PDE6A: variants seen among roughly 807,000 people sequenced by gnomAD.
PDE6A encodes the protein phosphodiesterase 6A.
A neutral mutation model predicts 106.3 loss-of-function variants in PDE6A; 84 were observed. The observed-to-expected ratio is 0.79, with a 90% confidence interval of 0.66 to 0.95. The LOEUF is 0.95. Ranked by LOEUF, PDE6A falls within the 40% of genes least tolerant of loss-of-function variation. The pLI is 0.00. For synonymous variants in PDE6A, 394 were observed against 386.6 expected (o/e 1.02, Z -0.23); for missense variants, 1,052 against 1,084.9 (o/e 0.97, Z 0.43).
intron 5 of PDE6A, among the ~76,000 whole-genome samples, chr5:149,918,537 T>C (rs1475392565): frequency 6.6e-6 from 1 of 152,212 alleles, no homozygotes; most frequent in Non-Finnish European, 1.5e-5. Context: ...AGTGAACTTT[T>C]CACTGTGCTC....
chr5:149,862,252 T>C (rs1581143270), intron 21 of PDE6A, among the ~76,000 whole-genome samples: 1 of 151,972 alleles, frequency 6.6e-6, no homozygotes, highest in East Asian at 1.9e-4. Flanking sequence ...AACAAACAAA[T>C]CCCATTTGAT....
chr5:149,937,948 A>G (rs1290395504), intron 1 of PDE6A, among the ~76,000 whole-genome samples: 1 of 152,180 alleles, frequency 6.6e-6, no homozygotes, highest in Non-Finnish European at 1.5e-5. Context: ...TTATTCATTC[A>G]TTGACTTATT....
chr5:149,894,431 C>A (rs17797919), intron 13 of PDE6A, among the ~76,000 whole-genome samples: 3,814 of 152,134 alleles, frequency 0.025, 87 homozygotes, highest in East Asian at 0.071. Context: ...TGGTGAATGG[C>A]AAACTTTTCT....
intron 1 of PDE6A, among the ~76,000 whole-genome samples, chr5:149,943,321 C>G (rs1381911472): frequency 1.3e-5 from 2 of 152,218 alleles, no homozygotes; most frequent in Non-Finnish European, 2.9e-5. Flanking sequence ...TTTCTGCAAG[C>G]ACAGGGTTGG....
chr5:149,927,198 AT>A (rs1290557480), intron 4 of PDE6A, among the ~76,000 whole-genome samples: 1 of 152,128 alleles, frequency 6.6e-6, no homozygotes, highest in Non-Finnish European at 1.5e-5. Context: ...CACAGTAAAA[AT>A]AAGGTATAAA....
intron 13 of PDE6A, among the ~76,000 whole-genome samples, chr5:149,889,222 T>G (rs943412531): frequency 2.6e-5 from 4 of 151,938 alleles, no homozygotes; most frequent in Non-Finnish European, 4.4e-5. Flanking sequence ...ACAACAAATT[T>G]TCTTTGAGTA....
At position 149,884,334 on chromosome 5, in the gene PDE6A, GTATA is replaced by G. The variant is rs111522679; in HGVS notation, c.2027+141_2027+144del. 5.0e-5 allele frequency: 31 copies of G among 622,338 alleles called. No homozygotes were observed. In the East Asian group the frequency reaches 6.5e-4, roughly 13 times the overall value. 38.6% of individuals were successfully genotyped at this position (622,338 alleles called of 1,614,324 possible). A position where few individuals can be genotyped will look rare whatever the true frequency, so the allele number is the denominator to read the frequency against. On this transcript the variant is annotated intron_variant, in intron 16 of 21. Transcript: ENST00000255266. ...TATATATGTATATATGTGTATATAT[GTATA>G]TATATGTGTGTATATATGTGTATAT...
intron 5 of PDE6A, 90 bp downstream of exon 5, chr5:149,921,545 T>C (rs1753721338): frequency 1.0e-6 from 1 of 966,792 alleles, no homozygotes; most frequent in African/African-American, 1.6e-5. Context: ...GACAAATACC[T>C]ATATGCTAAT....
chr5:149,902,065 T>C (rs1254430747), intron 8 of PDE6A, among the ~76,000 whole-genome samples: 2 of 152,148 alleles, frequency 1.3e-5, no homozygotes, highest in African/African-American at 2.4e-5. Context: ...ACAAGGATAA[T>C]AAAAGATGAC....
intron 5 of PDE6A, among the ~76,000 whole-genome samples, chr5:149,919,932 C>T (rs1463799456): frequency 6.7e-6 from 1 of 148,252 alleles, no homozygotes; most frequent in Non-Finnish European, 1.5e-5. Context: ...ACCTAAGATT[C>T]GGGAACATTA....
At chr5:149,914,607 G>C (rs1368011379) in intron 6 of PDE6A, among the ~76,000 whole-genome samples, 1 of 146,398 alleles carries the variant, frequency 6.8e-6, no homozygotes, top group Non-Finnish European at 1.5e-5. Context: ...TCCTGTTCCA[G>C]TCTTTAATAG....
chr5:149,913,381 T>TA (rs11343433), intron 6 of PDE6A, among the ~76,000 whole-genome samples: 1,489 of 137,478 alleles, frequency 0.011, 34 homozygotes, highest in Admixed American at 0.049. Flanking sequence ...GACTCCATCT[T>TA]AAAAAAAAAA....
At chr5:149,886,471 A>G in intron 13 of PDE6A, 97 bp from the exon 14 acceptor site, 1 of 844,478 alleles carries the variant, frequency 1.2e-6, no homozygotes, top group Non-Finnish European at 2.0e-6. Context: ...AGAACTAAAA[A>G]ACTCATGGGT....
intron 4 of PDE6A, among the ~76,000 whole-genome samples, chr5:149,923,555 TAACATAACATAACATAACATAACAAAC>T (rs1561773006): frequency 5.4e-5 from 6 of 110,400 alleles, no homozygotes; most frequent in African/African-American, 2.2e-4. Context: ...TAACATAACA[TAACATAACATAACATAACATAACAAAC>T]AACAACACTA....
intron 6 of PDE6A, 33 bp from the exon 7 acceptor site, chr5:149,907,411 A>G: frequency 6.4e-7 from 1 of 1,573,760 alleles, no homozygotes; most frequent in Non-Finnish European, 8.7e-7. Flanking sequence ...GGTGACTCTC[A>G]GTGCAGGGAT....
intron 10 of PDE6A, 73 bp from the exon 11 acceptor site, chr5:149,896,849 C>G: frequency 1.3e-6 from 2 of 1,514,124 alleles, no homozygotes; most frequent in African/African-American, 2.7e-5. Context: ...TCCCATTTAT[C>G]TCCTTCCTCC....
chr5:149,887,976 G>A (rs1488560207), intron 13 of PDE6A, among the ~76,000 whole-genome samples: 1 of 152,060 alleles, frequency 6.6e-6, no homozygotes, highest in African/African-American at 2.4e-5. Flanking sequence ...TTCTGTGTGT[G>A]TGTGTGTGTG....
intron 13 of PDE6A, among the ~76,000 whole-genome samples, chr5:149,887,928 T>C (rs1752376954): frequency 6.6e-6 from 1 of 152,192 alleles, no homozygotes; most frequent in African/African-American, 2.4e-5. Flanking sequence ...GATTTTATGC[T>C]GGGCGTAAAG....
chr5:149,870,819 T>A (rs1429667497), intron 17 of PDE6A, among the ~76,000 whole-genome samples: 1 of 103,454 alleles, frequency 9.7e-6, no homozygotes, highest in Admixed American at 1.1e-4. Flanking sequence ...CTAAGTAGAA[T>A]GGCAGAAAAA....
Sources: gnomAD v4.1 joint callset for allele counts (sites outside exome capture counted in the v4.1 genomes callset) on GRCh38, gnomAD v4.1.1 for gene constraint, MANE v1.5 for transcripts, NCBI Gene and HGNC (gene_info 2026-07-23, HGNC 2026-07-21) for gene names.